Variants in ASH1L observed in about 807,000 individuals in gnomAD.
ASH1L encodes histone-lysine N-methyltransferase ASH1L.
In ASH1L, 23 loss-of-function variants were observed where a neutral mutation model predicts 269.0. The ratio of observed to expected loss-of-function variants is 0.09; its 90% confidence interval spans 0.06 to 0.12. The LOEUF is 0.12. ASH1L is among the 10% of genes least tolerant of loss of function. The pLI is 1.00. For missense variants in ASH1L, 2,912 were observed against 3,567.8 expected (o/e 0.82, Z 4.68); for synonymous variants, 1,187 against 1,253.5 (o/e 0.95, Z 1.12).
chr1:155,484,103 T>C (rs1666138985), intron 2 of ASH1L, among the ~76,000 whole-genome samples: 2 of 152,204 alleles, frequency 1.3e-5, no homozygotes, highest in Admixed American at 1.3e-4. Context: ...CCCCTATGCA[T>C]CTAACTTTAT....
chr1:155,522,468 A>C (rs767445141), intron 1 of ASH1L, among the ~76,000 whole-genome samples: 3 of 152,228 alleles, frequency 2.0e-5, no homozygotes, highest in Admixed American at 6.5e-5. Flanking sequence ...TAAGAACCTT[A>C]AAAATCAGCA....
At position 155,339,012 on chromosome 1, in the gene ASH1L, T is replaced by C. The variant is rs190939547; in HGVS notation, c.8501+316A>G. 2.0e-5 allele frequency among the ~76,000 whole-genome samples: 3 copies of C among 152,282 alleles called. No individual in the cohort carries two copies. The East Asian group carries it at 5.8e-4, about 29-fold the overall frequency. Reference sequence around the variant, plus strand: ...GGCTACATCTGTTCCTTGATAGAGGTACCAAGAGCTGATATACCTTGAGGT... The same window carrying C: ...GGCTACATCTGTTCCTTGATAGAGGCACCAAGAGCTGATATACCTTGAGGT... On this transcript the variant is annotated intron_variant, in intron 26 of 27. Transcript: ENST00000392403.
rs987141475 is a variant in ASH1L, at chr1:155,343,058, T to C, written c.8293+256A>G. 1 of 349,422 alleles carries C rather than the reference T, an allele frequency of 2.9e-6. No individual in the cohort carries two copies. The highest frequency in any genetic ancestry group is 2.1e-5 in the African/African-American group (1 of 47,668). The allele number at this position is 349,422 out of a possible 1,614,324, so 21.6% of individuals were successfully genotyped here. On this transcript the variant is annotated intron_variant, in intron 24 of 27. Transcript: ENST00000392403. This position sits in a 1 kb window ranked among gnomAD's most constrained non-coding sequence, Gnocchi z 6.1. ...GCAGGGTTTCATTCTGTTGCACAGG[T>C]TGGAGTGCAGTGGTGCGATCTTGGC...
chr1:155,441,600 C>A (rs1221675893), intron 4 of ASH1L, among the ~76,000 whole-genome samples: 1 of 151,010 alleles, frequency 6.6e-6, no homozygotes, highest in Non-Finnish European at 1.5e-5. Context: ...GCAGCTGGGA[C>A]TACAGACGCC....
At chr1:155,360,970 G>A (rs942845704) in intron 12 of ASH1L, among the ~76,000 whole-genome samples, 13 of 151,976 alleles carry the variant, frequency 8.6e-5, no homozygotes, top group South Asian at 2.1e-4. Flanking sequence ...ACCAGGCGCC[G>A]TAGCTCACGC....
chr1:155,512,531 A>G (rs1048472723), intron 2 of ASH1L, among the ~76,000 whole-genome samples: 1 of 129,256 alleles, frequency 7.7e-6, no homozygotes, highest in African/African-American at 2.9e-5. Flanking sequence ...GGCTCACTGC[A>G]ACCTCCACCT....
intron 5 of ASH1L, among the ~76,000 whole-genome samples, chr1:155,428,998 T>A (rs1661398230): frequency 2.0e-5 from 3 of 152,078 alleles, no homozygotes; most frequent in Admixed American, 1.3e-4. Flanking sequence ...CCGACCGAGC[T>A]GGTCTCGGCA....
chr1:155,468,374 C>T (rs1664850853), intron 3 of ASH1L, among the ~76,000 whole-genome samples: 1 of 152,026 alleles, frequency 6.6e-6, no homozygotes, highest in South Asian at 2.1e-4. Flanking sequence ...GCTTTTCCCT[C>T]TTCATACTCT....
intron 1 of ASH1L, among the ~76,000 whole-genome samples, chr1:155,554,382 C>T (rs1671434994): frequency 6.6e-6 from 1 of 151,702 alleles, no homozygotes. Context: ...AAGCGATTCT[C>T]CTGCCTCAGC....
At chr1:155,349,181 G>C in intron 19 of ASH1L, 146 bp downstream of exon 19, 4 of 772,290 alleles carry the variant, frequency 5.2e-6, no homozygotes, top group Non-Finnish European at 8.1e-6. Context: ...TTAGTATACT[G>C]TAACACATAC....
Position 155,478,050 on chromosome 1 carries a change from A to C in ASH1L, c.4820T>G (p.Phe1607Cys), listed in dbSNP as rs753356004. The change falls in exon 3 of 28, where the codon TTC becomes TGC. Residue 1607 changes from phenylalanine (F) to cysteine (C), a missense_variant. Transcript: ENST00000392403. This position sits in a 1 kb window ranked among gnomAD's most constrained non-coding sequence, Gnocchi z 4.6. ...PASSDEHTNL[F>C]TSAIGSCRVS... ...TCTGCAGCTGCCTATTGCACTTGTG[A>C]AAAGGTTTGTATGTTCATCACTGCT... is the stretch of plus-strand genomic sequence containing the variant. 1 of 1,614,206 alleles carries C rather than the reference A, an allele frequency of 6.2e-7. No individual in the cohort carries two copies. Among genetic ancestry groups the C allele is most frequent in the African/African-American group, 1.3e-5 (1 of 75,044 alleles).
chr1:155,525,874 G>A (rs1380845477), intron 1 of ASH1L, among the ~76,000 whole-genome samples: 2 of 151,954 alleles, frequency 1.3e-5, no homozygotes, highest in African/African-American at 2.4e-5. Flanking sequence ...AAATGGTATG[G>A]TATTTGCATA....
At chr1:155,487,936 GGA>G (rs1666438489) in intron 2 of ASH1L, among the ~76,000 whole-genome samples, 1 of 150,112 alleles carries the variant, frequency 6.7e-6, no homozygotes, top group Admixed American at 6.7e-5. Context: ...TGCCCAAGCA[GGA>G]GCGCAGTGGC....
At chr1:155,436,325 G>A (rs1408538759) in intron 5 of ASH1L, among the ~76,000 whole-genome samples, 4 of 151,638 alleles carry the variant, frequency 2.6e-5, no homozygotes, top group African/African-American at 4.8e-5. Context: ...CTGAGTAGCC[G>A]GGATTACAGG....
chr1:155,348,620 G>A (rs892220569), intron 19 of ASH1L, among the ~76,000 whole-genome samples: 1 of 151,868 alleles, frequency 6.6e-6, no homozygotes, highest in Non-Finnish European at 1.5e-5. Flanking sequence ...CGTGGCTCAC[G>A]CCTGTAATCC....
In ASH1L at chr1:155,370,565, T is replaced by A; in HGVS notation, c.6625A>T (p.Met2209Leu). The A allele has an allele frequency of 6.2e-7, 1 of 1,614,184 alleles. No individual in the cohort carries two copies. Among genetic ancestry groups the A allele is most frequent in the Non-Finnish European group, 8.5e-7 (1 of 1,180,032 alleles). Residue 2209 changes from methionine to leucine, a missense_variant, in exon 12 of 28, where the codon ATG becomes TTG. Met to Leu is a conservative substitution (Grantham distance 15). This residue lies in a region of ASH1L where 193 missense variants were observed against 311.6 expected (regional missense o/e 0.62). Transcript: ENST00000392403. ...TTGATGAATCGGGCCTCATTTCCCA[T>A]GCGGTAACTGTCAATCACCATCCCA... ...DSGMVIDSYR[M>L]GNEARFINHS...
At chr1:155,452,947 C>A (rs1663597691) in intron 4 of ASH1L, among the ~76,000 whole-genome samples, 1 of 152,096 alleles carries the variant, frequency 6.6e-6, no homozygotes, top group Non-Finnish European at 1.5e-5. Context: ...CACATGTAAA[C>A]CTTAGGAATT....
At chr1:155,415,274 C>T (rs760473167) in intron 6 of ASH1L, among the ~76,000 whole-genome samples, 14 of 149,582 alleles carry the variant, frequency 9.4e-5, no homozygotes, top group Non-Finnish European at 1.6e-4. Flanking sequence ...CCCAGCTACT[C>T]GGGAGGCTGA....
In ASH1L at chr1:155,478,428, T is replaced by G. The variant is rs1484248989; in HGVS notation, c.4442A>C (p.His1481Pro). 6.2e-7 allele frequency: 1 copy of G among 1,614,168 alleles called. No homozygotes were observed. The highest frequency in any genetic ancestry group is 8.5e-7 in the Non-Finnish European group (1 of 1,180,018). ...PEMAYGWMVE[H>P]KHRHRHKHRE... ...GTGTTTGTGACGGTGCCTGTGTTTG[T>G]GCTCAACCATCCAACCATAGGCCAT... is the stretch of plus-strand genomic sequence containing the variant. Residue 1481 changes from histidine (H) to proline (P), a missense_variant, in exon 3 of 28, where the codon CAC (histidine) becomes CCC (proline). His to Pro is a moderately conservative substitution (Grantham distance 77, BLOSUM62 -2). Around this residue, in one of 13 missense-constraint regions of ASH1L, gnomAD observed 789 missense variants for 897.6 expected, o/e 0.88. Coordinates refer to ENST00000392403, the MANE Select transcript of ASH1L (RefSeq NM_018489.3). The surrounding 1 kb of genome is among the most constrained non-coding windows in gnomAD (Gnocchi z 4.6).
Sources: allele counts gnomAD v4.1 joint callset (sites outside exome capture counted in the v4.1 genomes callset), GRCh38; gene constraint gnomAD v4.1.1; regional missense constraint gnomAD v4.1.1; non-coding constraint Gnocchi (gnomAD v3.1); transcripts MANE v1.5; gene names NCBI Gene and HGNC (gene_info 2026-07-23, HGNC 2026-07-21).